The following DMD variants were observed in gnomAD, a reference collection of about 807,000 sequenced individuals.
The protein encoded by DMD is dystrophin, also known as mutant dystrophin.
DMD carries 63 observed loss-of-function variants against 330.1 expected under a neutral mutation model. That is an observed-to-expected ratio of 0.19 (90% confidence interval 0.16 to 0.24). The LOEUF (loss-of-function observed/expected upper bound fraction) is 0.24. Among genes scored for constraint, DMD ranks in the 10% least tolerant of loss-of-function variants. The probability of loss-of-function intolerance (pLI) is 1.00; values close to 1 mark genes in which losing one functional copy is unlikely to be tolerated. For synonymous variants in DMD, 1,223 were observed against 959.8 expected (o/e 1.27, Z -5.07); for missense variants, 3,344 against 2,684.1 (o/e 1.25, Z -5.43).
chrX:32,607,907 G>T (rs1358278532), intron 12 of DMD, among the ~76,000 whole-genome samples: 4 of 110,280 alleles, frequency 3.6e-5, no homozygotes, highest in Non-Finnish European at 7.7e-5. Flanking sequence ...CAGTAAATTA[G>T]AAATAGGGTA....
chrX:32,132,988 C>CTTTCCTT (rs2096704794), intron 44 of DMD, among the ~76,000 whole-genome samples: 1 of 15,043 alleles, frequency 6.6e-5, no homozygotes, highest in African/African-American at 2.1e-4. Context: ...CACTCCTTTT[C>CTTTCCTT]TTTTCTTTTT....
intron 1 of DMD, among the ~76,000 whole-genome samples, chrX:33,150,287 T>TCC (rs1557277616): frequency 4.0e-5 from 4 of 99,878 alleles, no homozygotes; most frequent in African/African-American, 7.3e-5. Flanking sequence ...CTTATAAAAG[T>TCC]CAGTCTTTTT....
At chrX:32,841,505 G>C (rs1243089384) in intron 4 of DMD, among the ~76,000 whole-genome samples, 1 of 112,078 alleles carries the variant, frequency 8.9e-6, no homozygotes, top group Non-Finnish European at 1.9e-5. Flanking sequence ...TGTAGAGAGA[G>C]AGAGAACAAT....
At chrX:31,261,232 A>G (rs1982817867) in intron 62 of DMD, 1 of 395,342 alleles carries the variant, frequency 2.5e-6, no homozygotes, top group Admixed American at 4.2e-5. Context: ...AGCAATATAA[A>G]CATTATTCGG....
At chrX:32,342,078 G>A (rs369638484) in intron 41 of DMD, 22 bp downstream of exon 41, 1 of 1,199,052 alleles carries the variant, frequency 8.3e-7, no homozygotes, top group Non-Finnish European at 1.1e-6. Context: ...ACACATACGT[G>A]GGTTTGCCAG....
intron 1 of DMD, among the ~76,000 whole-genome samples, chrX:33,179,872 G>A (rs1184845019): frequency 3.0e-5 from 3 of 101,292 alleles, no homozygotes; most frequent in African/African-American, 7.3e-5. Context: ...ATGGAGTTTC[G>A]CTCTTGTCGC....
intron 9 of DMD, among the ~76,000 whole-genome samples, chrX:32,660,633 A>T (rs1209639875): frequency 9.0e-6 from 1 of 111,259 alleles, no homozygotes; most frequent in Non-Finnish European, 1.9e-5. Flanking sequence ...CTCTTTCTTA[A>T]TATTGTTAAT....
intron 11 of DMD, among the ~76,000 whole-genome samples, chrX:32,641,075 G>C (rs2059415831): frequency 9.0e-6 from 1 of 111,039 alleles, no homozygotes; most frequent in Admixed American, 9.7e-5. Flanking sequence ...ACTTCCTTGT[G>C]ATCTGCAAAT....
At chrX:31,322,903 T>C (rs1395704868) in intron 62 of DMD, among the ~76,000 whole-genome samples, 1 of 111,832 alleles carries the variant, frequency 8.9e-6, no homozygotes, top group East Asian at 2.8e-4. Flanking sequence ...TAGACTCTAG[T>C]GCACAATGGA....
intron 34 of DMD, among the ~76,000 whole-genome samples, chrX:32,369,308 C>A (rs2097864494): frequency 9.0e-6 from 1 of 111,249 alleles, no homozygotes; most frequent in Middle Eastern, 4.7e-3. Context: ...TTAATTTCTT[C>A]CAGTGAAGTC....
chrX:31,375,591 G>A (rs896332143), intron 60 of DMD, among the ~76,000 whole-genome samples: 2 of 111,758 alleles, frequency 1.8e-5, no homozygotes, highest in African/African-American at 3.3e-5. Flanking sequence ...ATTATGCTAC[G>A]TGAAATAAGC....
intron 44 of DMD, among the ~76,000 whole-genome samples, chrX:32,153,775 G>T (rs2096817146): frequency 1.8e-5 from 2 of 111,639 alleles, no homozygotes; most frequent in African/African-American, 6.5e-5. Context: ...CACTGGAGAA[G>T]AACTTGAAGC....
chrX:32,205,776 G>T (rs112516249), intron 44 of DMD: 2,073 of 167,228 alleles, frequency 0.012, 12 homozygotes, highest in Middle Eastern at 0.04. Flanking sequence ...AGATGTTCAG[G>T]TTTTCTAAGA....
chrX:31,473,711 C>CAAAAAAAAAAAAA (rs55752684), intron 59 of DMD, among the ~76,000 whole-genome samples: 45 of 40,098 alleles, frequency 1.1e-3, no homozygotes, highest in East Asian at 1.8e-3. Context: ...GACTCTGTCT[C>CAAAAAAAAAAAAA]AAAAAAAAAA....
intron 48 of DMD, among the ~76,000 whole-genome samples, chrX:31,847,469 T>G (rs1317882439): frequency 8.9e-6 from 1 of 111,763 alleles, no homozygotes; most frequent in Admixed American, 9.5e-5. Flanking sequence ...AGGTCAGTTA[T>G]TAAGGGCAAG....
At chrX:32,431,100 A>G (rs371413127) in intron 29 of DMD, among the ~76,000 whole-genome samples, 2 of 111,228 alleles carry the variant, frequency 1.8e-5, no homozygotes, top group East Asian at 5.6e-4. Context: ...GCTGGATCAT[A>G]TAGTAATTCT....
intron 1 of DMD, among the ~76,000 whole-genome samples, chrX:33,240,910 G>A (rs926810731): frequency 8.9e-6 from 1 of 111,756 alleles, no homozygotes; most frequent in African/African-American, 3.3e-5. Flanking sequence ...TGGGTTATTT[G>A]TTTTCTTGCT....
chrX:31,126,774 A>C, intron 77 of DMD, 101 bp from the exon 78 acceptor site: 4 of 536,260 alleles, frequency 7.5e-6, no homozygotes, highest in Non-Finnish European at 1.3e-5. Flanking sequence ...TACCAAACAA[A>C]TGTTGAGATG....
chrX:32,256,579 G>A (rs2097300041), intron 43 of DMD, among the ~76,000 whole-genome samples: 1 of 110,652 alleles, frequency 9.0e-6, no homozygotes, highest in Non-Finnish European at 1.9e-5. Flanking sequence ...TATTTTGCCT[G>A]TTAGTTGAGG....
Sources: gnomAD v4.1 joint callset for allele counts (sites outside exome capture counted in the v4.1 genomes callset) on GRCh38, gnomAD v4.1.1 for gene constraint, MANE v1.5 for transcripts, NCBI Gene and HGNC (gene_info 2026-07-23, HGNC 2026-07-21) for gene names.